Variants in PPP1R12A observed in about 807,000 individuals in gnomAD.
PPP1R12A encodes the protein myosin binding subunit.
A neutral mutation model predicts 139.6 loss-of-function variants in PPP1R12A; 19 were observed. That is an observed-to-expected ratio of 0.14 (90% CI 0.09 to 0.20). The LOEUF (loss-of-function observed/expected upper bound fraction) is 0.20. Among genes scored for constraint, PPP1R12A ranks in the 10% least tolerant of loss-of-function variants. PPP1R12A has a pLI of 1.00. For missense variants in PPP1R12A, 925 were observed against 1,211.5 expected (o/e 0.76, Z 3.51); for synonymous variants, 427 against 420.6 (o/e 1.02, Z -0.19).
Position 79,817,459 on chromosome 12 carries a change from G to C in PPP1R12A, c.1174C>G (p.Pro392Ala). The C allele has an allele frequency of 6.2e-7, 1 of 1,609,724 alleles. No individual in the cohort carries two copies. The highest frequency in any genetic ancestry group is 8.5e-7 in the Non-Finnish European group (1 of 1,177,458). Residue 392 changes from proline to alanine, a missense_variant, in exon 9 of 25, where the codon CCT becomes GCT. Physicochemically the swap from Pro to Ala is conservative, Grantham distance 27 (BLOSUM62 -1). This residue lies in a region of PPP1R12A where 403 missense variants were observed against 463.7 expected (regional missense o/e 0.87). Coordinates refer to ENST00000450142, the MANE Select transcript of PPP1R12A (RefSeq NM_002480.3). ...ACAGTAGGTGTTGTAACAGCTACAGGAGCTGCTTGTGTACTAGAAGTGTTG... is the reference window on the plus strand; with the variant it reads ...ACAGTAGGTGTTGTAACAGCTACAGCAGCTGCTTGTGTACTAGAAGTGTTG... The part of the protein sequence containing the change: ...NANTSSTQAA[P>A]VAVTTPTVSS...
intron 14 of PPP1R12A, among the ~76,000 whole-genome samples, chr12:79,802,553 T>C (rs1014431862): frequency 3.9e-5 from 6 of 152,108 alleles, no homozygotes; most frequent in African/African-American, 1.2e-4. Flanking sequence ...GAGGTCAAGG[T>C]GGGAAGACTG....
At chr12:79,865,201 G>A (rs781046402) in intron 2 of PPP1R12A, among the ~76,000 whole-genome samples, 3 of 152,096 alleles carry the variant, frequency 2.0e-5, no homozygotes, top group Non-Finnish European at 4.4e-5. Context: ...CACATAAACA[G>A]AACCAACAAC....
intron 1 of PPP1R12A, among the ~76,000 whole-genome samples, chr12:79,898,671 T>A (rs1885352929): frequency 6.6e-6 from 1 of 152,166 alleles, no homozygotes; most frequent in South Asian, 2.1e-4. Context: ...TACTTTTCCA[T>A]CTTCATGTTG....
intron 3 of PPP1R12A, among the ~76,000 whole-genome samples, chr12:79,836,720 C>A (rs1042721854): frequency 6.6e-6 from 1 of 152,086 alleles, no homozygotes; most frequent in East Asian, 1.9e-4. Flanking sequence ...AAAAAAAAAT[C>A]TAATTGTACT....
At chr12:79,832,980 CTTCAT>C (rs1227465631) in intron 3 of PPP1R12A, among the ~76,000 whole-genome samples, 1 of 152,120 alleles carries the variant, frequency 6.6e-6, no homozygotes, top group Non-Finnish European at 1.5e-5. Flanking sequence ...AGCAAACTCC[CTTCAT>C]TTCCTTTTCC....
intron 2 of PPP1R12A, among the ~76,000 whole-genome samples, chr12:79,868,709 T>C (rs553827027): frequency 6.6e-6 from 1 of 152,282 alleles, no homozygotes; most frequent in Non-Finnish European, 1.5e-5. Flanking sequence ...TCAGCCTCAT[T>C]TTAACTTAAT....
intron 1 of PPP1R12A, among the ~76,000 whole-genome samples, chr12:79,929,663 G>T (rs955885499): frequency 6.6e-6 from 1 of 152,024 alleles, no homozygotes; most frequent in African/African-American, 2.4e-5. Context: ...CAGCTACTTG[G>T]GAGGCTGTGG....
intron 16 of PPP1R12A, 103 bp downstream of exon 16, chr12:79,797,092 G>T: frequency 7.4e-7 from 1 of 1,343,086 alleles, no homozygotes; most frequent in Non-Finnish European, 1.0e-6. Flanking sequence ...ATCCTTTACA[G>T]TATTTTGCAT....
chr12:79,793,982 A>T (rs1872198046), intron 18 of PPP1R12A, 54 bp from the exon 19 acceptor site: 4 of 1,337,330 alleles, frequency 3.0e-6, no homozygotes, highest in Middle Eastern at 2.7e-4. Flanking sequence ...TAATTTCAAA[A>T]TTTATTTTTT....
At chr12:79,821,446 A>T (rs899091178) in intron 6 of PPP1R12A, among the ~76,000 whole-genome samples, 1 of 152,116 alleles carries the variant, frequency 6.6e-6, no homozygotes. Flanking sequence ...CTGGCTGAGG[A>T]TATTTTACTT....
intron 1 of PPP1R12A, among the ~76,000 whole-genome samples, chr12:79,924,956 T>C (rs1195596255): frequency 6.6e-6 from 1 of 152,186 alleles, no homozygotes; most frequent in African/African-American, 2.4e-5. Context: ...AAATATCATG[T>C]AATCACGGAT....
chr12:79,895,992 G>A (rs894814522), intron 1 of PPP1R12A, among the ~76,000 whole-genome samples: 26 of 88,378 alleles, frequency 2.9e-4, no homozygotes, highest in Admixed American at 1.4e-3. Context: ...AAATGGTGAA[G>A]GTTAAAACAA....
intron 1 of PPP1R12A, among the ~76,000 whole-genome samples, chr12:79,888,419 TGTAAAAA>T (rs1335262715): frequency 3.9e-5 from 6 of 152,040 alleles, no homozygotes; most frequent in Admixed American, 2.6e-4. Context: ...AAGCAGCATG[TGTAAAAA>T]GTGATCAGAG....
intron 1 of PPP1R12A, among the ~76,000 whole-genome samples, chr12:79,933,316 C>T (rs1888388698): frequency 6.6e-6 from 1 of 152,124 alleles, no homozygotes; most frequent in African/African-American, 2.4e-5. Flanking sequence ...AAGAGAATTC[C>T]ATTACACAAA....
chr12:79,798,435 GTA>G, intron 15 of PPP1R12A, 57 bp downstream of exon 15: 1 of 1,107,660 alleles, frequency 9.0e-7, no homozygotes, highest in South Asian at 1.5e-5. Context: ...GTCAGTGTGT[GTA>G]TATATATTTT....
intron 1 of PPP1R12A, among the ~76,000 whole-genome samples, chr12:79,931,384 G>T (rs1309484957): frequency 6.6e-6 from 1 of 151,982 alleles, no homozygotes; most frequent in African/African-American, 2.4e-5. Context: ...CCAAAAAATG[G>T]AAATGAGGCT....
At chr12:79,787,993 T>C (rs1871330132) in intron 21 of PPP1R12A, 1 of 152,198 alleles carries the variant, frequency 6.6e-6, no homozygotes, top group Non-Finnish European at 1.5e-5. Flanking sequence ...TACCCATGAG[T>C]AGAATCTCTC....
chr12:79,886,183 G>C (rs1232034275), intron 1 of PPP1R12A, among the ~76,000 whole-genome samples: 1 of 152,156 alleles, frequency 6.6e-6, no homozygotes, highest in Non-Finnish European at 1.5e-5. Flanking sequence ...GAAAACTGAA[G>C]TGGGACATTT....
chr12:79,798,997 C>CT (rs1872779283), intron 14 of PPP1R12A, among the ~76,000 whole-genome samples: 3 of 152,050 alleles, frequency 2.0e-5, no homozygotes, highest in Admixed American at 1.3e-4. Context: ...GAGGAAGGTC[C>CT]TCTTCTCCAG....
Sources: gnomAD v4.1 joint callset for allele counts (sites outside exome capture counted in the v4.1 genomes callset) on GRCh38, gnomAD v4.1.1 for gene constraint, gnomAD v4.1.1 regional missense constraint, MANE v1.5 for transcripts, NCBI Gene and HGNC (gene_info 2026-07-23, HGNC 2026-07-21) for gene names.